PEMT: variants seen among roughly 807,000 people sequenced by gnomAD.
PEMT encodes phosphatidylethanolamine N-methyltransferase, also known as phospholipid methyltransferase.
PEMT carries 23 observed loss-of-function variants against 27.4 expected under a neutral mutation model. That is an observed-to-expected ratio of 0.84 (90% CI 0.60 to 1.19). The LOEUF is 1.19. Among genes scored for constraint, PEMT ranks in the 50% most tolerant of loss-of-function variants. The pLI is 0.00. For missense variants in PEMT, 307 were observed against 310.1 expected (o/e 0.99, Z 0.07); for synonymous variants, 137 against 139.1 (o/e 0.98, Z 0.11).
intron 1 of PEMT, among the ~76,000 whole-genome samples, chr17:17,577,833 C>T (rs1303485347): frequency 6.6e-6 from 1 of 151,846 alleles, no homozygotes; most frequent in Non-Finnish European, 1.5e-5. Flanking sequence ...CTGGCTAACA[C>T]GGTGAAACCC....
Position 17,586,260 on chromosome 17 carries a change from G to GAAAGAAAGAAAT in PEMT, c.96+5270_96+5271insATTTCTTTCTTT, listed in dbSNP as rs1567759204. ...AGAAAGAAAGAAAGAAAGAAAGAAA[G>GAAAGAAAGAAAT]AAAGAAAGAAAGAAAGAAAGAAAGA... is the stretch of plus-strand genomic sequence containing the variant. On this transcript the variant is annotated intron_variant, in intron 1 of 6. Transcript: ENST00000255389. 4.8e-3 allele frequency among the ~76,000 whole-genome samples: 515 copies of GAAAGAAAGAAAT among 107,434 alleles called. 4 individuals carry two copies. The highest frequency in any genetic ancestry group is 7.3e-3 in the Non-Finnish European group (394 of 54,182). 70.5% of individuals were successfully genotyped at this position (107,434 alleles called of 152,430 possible).
intron 1 of PEMT, among the ~76,000 whole-genome samples, chr17:17,577,765 C>T (rs1597961076): frequency 6.6e-6 from 1 of 152,024 alleles, no homozygotes; most frequent in South Asian, 2.1e-4. Flanking sequence ...TGCCTGTAAT[C>T]CCAGCACTTT....
At chr17:17,537,637 G>A (rs541227808) in intron 2 of PEMT, among the ~76,000 whole-genome samples, 7 of 152,224 alleles carry the variant, frequency 4.6e-5, no homozygotes, top group Non-Finnish European at 5.9e-5. Context: ...TCTTCTGGGA[G>A]AAAGCAGGAG....
At chr17:17,588,817 C>T (rs1022984124) in intron 1 of PEMT, among the ~76,000 whole-genome samples, 7 of 152,226 alleles carry the variant, frequency 4.6e-5, no homozygotes, top group African/African-American at 1.7e-4. Flanking sequence ...CACCCCACTG[C>T]CTTCAGGCAG....
chr17:17,585,863 A>AC, intron 1 of PEMT, among the ~76,000 whole-genome samples: 2 of 152,066 alleles, frequency 1.3e-5, no homozygotes, highest in Non-Finnish European at 2.9e-5. Flanking sequence ...CGGGCGTATC[A>AC]TGAAGTCAGG....
chr17:17,526,031 A>G (rs1907637114), intron 2 of PEMT, among the ~76,000 whole-genome samples: 1 of 151,976 alleles, frequency 6.6e-6, no homozygotes, highest in African/African-American at 2.4e-5. Flanking sequence ...TTTTGGTGCA[A>G]CCTGTCCCAT....
At chr17:17,578,677 A>C (rs1036635574) in intron 1 of PEMT, 1 of 152,168 alleles carries the variant, frequency 6.6e-6, no homozygotes, top group Admixed American at 6.5e-5. Flanking sequence ...CAATACAGAG[A>C]AGATTAGTAT....
At chr17:17,571,714 T>C (rs1911212950) in intron 2 of PEMT, among the ~76,000 whole-genome samples, 1 of 150,158 alleles carries the variant, frequency 6.7e-6, no homozygotes, top group Admixed American at 6.6e-5. Context: ...GTTTTGGGTT[T>C]TTTTTTTTTT....
chr17:17,539,967 G>A (rs1908766157), intron 2 of PEMT, among the ~76,000 whole-genome samples: 2 of 152,194 alleles, frequency 1.3e-5, no homozygotes, highest in African/African-American at 4.8e-5. Context: ...CAGGAGGCTC[G>A]GGAGCAGGAG....
intron 2 of PEMT, among the ~76,000 whole-genome samples, chr17:17,550,340 G>A (rs1472959234): frequency 6.6e-6 from 1 of 152,194 alleles, no homozygotes. Context: ...CCACCGATTA[G>A]GTCGAATTTG....
chr17:17,579,492 A>T (rs1911848251), intron 1 of PEMT, among the ~76,000 whole-genome samples: 1 of 152,214 alleles, frequency 6.6e-6, no homozygotes. Flanking sequence ...AGCCTGGCCA[A>T]CATAGTGAAA....
Position 17,577,568 on chromosome 17 carries a change from G to T in PEMT, c.97-541C>A, listed in dbSNP as rs574299340. 9.6e-5 allele frequency: 94 copies of T among 983,120 alleles called. 3 individuals are homozygous for T. The East Asian group carries it at 7.2e-3, about 75-fold the overall frequency. 60.9% of individuals were successfully genotyped at this position (983,120 alleles called of 1,614,324 possible). On this transcript the variant is annotated intron_variant, in intron 1 of 6. Coordinates refer to ENST00000255389, the MANE Select transcript of PEMT (RefSeq NM_148172.3). ...CATCCCGGCCACGCCACCCGCATAC[G>T]GGGGGCACGTGGACACTGCCCCCGC...
intron 2 of PEMT, among the ~76,000 whole-genome samples, chr17:17,541,054 G>A (rs981377997): frequency 2.0e-5 from 3 of 152,200 alleles, no homozygotes; most frequent in East Asian, 1.9e-4. Context: ...CGGCTGAGAC[G>A]GGGACAGAGC....
chr17:17,591,699 C>T lies in PEMT; in HGVS notation c.-73G>A. The T allele has an allele frequency of 3.3e-6, 5 of 1,532,276 alleles. No individual in the cohort carries two copies. In the South Asian group the frequency reaches 6.0e-5, roughly 18 times the overall value. 94.9% of individuals were successfully genotyped at this position (1,532,276 alleles called of 1,614,324 possible). ...CGCCCCCGGAACCGGACCTATAGAG[C>T]CGGGTAAGTGCCGCCAGTCGGGGCG... is the stretch of plus-strand genomic sequence containing the variant. On this transcript the variant is annotated 5_prime_UTR_variant, in exon 1 of 7. Coordinates refer to ENST00000255389, the MANE Select transcript of PEMT (RefSeq NM_148172.3).
chr17:17,514,526 G>A (rs535574453), intron 3 of PEMT, among the ~76,000 whole-genome samples: 4 of 152,318 alleles, frequency 2.6e-5, no homozygotes, highest in African/African-American at 7.2e-5. Flanking sequence ...AGCGGCATTC[G>A]GGTGTCAGGG....
chr17:17,560,746 G>A (rs531601538), intron 2 of PEMT, among the ~76,000 whole-genome samples: 12 of 152,050 alleles, frequency 7.9e-5, no homozygotes, highest in Admixed American at 5.2e-4. Flanking sequence ...GCCACCCTTC[G>A]CGTCCACACC....
At chr17:17,571,418 G>A (rs1218001052) in intron 2 of PEMT, among the ~76,000 whole-genome samples, 1 of 152,130 alleles carries the variant, frequency 6.6e-6, no homozygotes, top group African/African-American at 2.4e-5. Context: ...ACAAGGAAGA[G>A]CAGGAGGAGG....
upstream of PEMT, chr17:17,591,884 G>C: frequency 4.1e-6 from 4 of 985,486 alleles, no homozygotes; most frequent in Non-Finnish European, 4.8e-6. Flanking sequence ...TTCCGCTGCA[G>C]CTACGTAGCA....
intron 2 of PEMT, among the ~76,000 whole-genome samples, chr17:17,539,098 TA>T (rs1156962975): frequency 6.6e-6 from 1 of 152,328 alleles, no homozygotes; most frequent in African/African-American, 2.4e-5. Flanking sequence ...AGGTAACACA[TA>T]AAGTAAAATG....
Sources: allele counts gnomAD v4.1 joint callset (sites outside exome capture counted in the v4.1 genomes callset), GRCh38; gene constraint gnomAD v4.1.1; transcripts MANE v1.5; gene names NCBI Gene and HGNC (gene_info 2026-07-23, HGNC 2026-07-21).